The following ADAMTS17 variants were observed in gnomAD, a reference collection of about 807,000 sequenced individuals.
ADAMTS17 encodes the protein A disintegrin and metalloproteinase with thrombospondin motifs 17.
In ADAMTS17, 113 loss-of-function variants were observed where a neutral mutation model predicts 141.5. The ratio of observed to expected loss-of-function variants is 0.80; its 90% CI spans 0.69 to 0.93. The LOEUF (loss-of-function observed/expected upper bound fraction) is 0.93. ADAMTS17 is among the 40% of genes least tolerant of loss of function. The probability of loss-of-function intolerance (pLI) is 0.00; values close to 1 mark genes in which losing one functional copy is unlikely to be tolerated. For synonymous variants in ADAMTS17, 768 were observed against 630.6 expected (o/e 1.22, Z -3.27); for missense variants, 1,659 against 1,517.9 (o/e 1.09, Z -1.54).
Position 100,126,533 on chromosome 15 carries a change from G to T in ADAMTS17, c.1721+5474C>A, listed in dbSNP as rs533520839. On this transcript the variant is annotated intron_variant, in intron 12 of 21. Transcript: ENST00000268070. ...TGCTGGAGAAGGGCAGGCACAACAGGTGACAGATAGGCCTCATGTGGCCGT... is the reference window on the plus strand; with the variant it reads ...TGCTGGAGAAGGGCAGGCACAACAGTTGACAGATAGGCCTCATGTGGCCGT... 3.3e-5 allele frequency: 5 copies of T among 152,340 alleles called. No homozygotes were observed. In the East Asian group the frequency reaches 7.7e-4, roughly 24 times the overall value. 9.4% of individuals were successfully genotyped at this position (152,340 alleles called of 1,614,324 possible). A position where few individuals can be genotyped will look rare whatever the true frequency, so the allele number is the denominator to read the frequency against.
rs113325844 is a variant in ADAMTS17 at position 100,089,945 on chromosome 15, C to A, written c.2137+6411G>T. On this transcript the variant is annotated intron_variant, in intron 15 of 21. Coordinates refer to ENST00000268070, the MANE Select transcript of ADAMTS17 (RefSeq NM_139057.4). ...CTTGTATACATATGTAACAAACCTG[C>A]CTGTTGTGCACATGTACCCTAGAAC... is the stretch of plus-strand genomic sequence containing the variant. Among the ~76,000 whole-genome samples, 369 of 150,694 alleles carry A rather than the reference C, an allele frequency of 2.4e-3. 2 individuals carry two copies. Among genetic ancestry groups the A allele is most frequent in the African/African-American group, 8.6e-3 (351 of 40,922 alleles).
chr15:100,181,365 T>C (rs2040518792), intron 8 of ADAMTS17, among the ~76,000 whole-genome samples: 1 of 152,154 alleles, frequency 6.6e-6, no homozygotes, highest in African/African-American at 2.4e-5. Flanking sequence ...TCCCTCTGCT[T>C]TTCTCAAGCA....
chr15:100,089,097 A>C (rs1313736392), intron 15 of ADAMTS17, among the ~76,000 whole-genome samples: 1 of 152,098 alleles, frequency 6.6e-6, no homozygotes, highest in Admixed American at 6.6e-5. Context: ...TCATCTGACA[A>C]AAGGCTAATA....
intron 3 of ADAMTS17, among the ~76,000 whole-genome samples, chr15:100,294,692 G>A (rs1274467213): frequency 1.3e-5 from 2 of 152,190 alleles, no homozygotes; most frequent in Non-Finnish European, 2.9e-5. Flanking sequence ...GGGCGACAGA[G>A]CAAGACCCTA....
intron 8 of ADAMTS17, among the ~76,000 whole-genome samples, chr15:100,160,100 C>A (rs984805546): frequency 5.9e-5 from 9 of 152,116 alleles, no homozygotes; most frequent in South Asian, 2.1e-4. Context: ...TCAAACGTTA[C>A]AAAATTTGCA....
At chr15:100,157,092 G>A (rs1436755981) in intron 8 of ADAMTS17, among the ~76,000 whole-genome samples, 1 of 152,156 alleles carries the variant, frequency 6.6e-6, no homozygotes, top group Non-Finnish European at 1.5e-5. Context: ...CAAGGAAAAT[G>A]CCAGATGCTT....
chr15:100,120,110 A>G lies in ADAMTS17; in HGVS notation c.1722-3097T>C, dbSNP rs115402421. Among the ~76,000 whole-genome samples, 1,161 of 152,304 alleles carry G rather than the reference A, an allele frequency of 7.6e-3. 16 individuals are homozygous for G. The highest frequency in any genetic ancestry group is 0.026 in the African/African-American group (1,085 of 41,568). ...TATCAGAGCTGATCTTAAAATGACC[A>G]ACAGAGGGAATGATGTCGGGAAGAG... On this transcript the variant is annotated intron_variant, in intron 12 of 21. Coordinates refer to ENST00000268070, the MANE Select transcript of ADAMTS17 (RefSeq NM_139057.4).
At chr15:100,153,081 G>A (rs981852147) in intron 9 of ADAMTS17, among the ~76,000 whole-genome samples, 3 of 152,116 alleles carry the variant, frequency 2.0e-5, no homozygotes, top group Non-Finnish European at 4.4e-5. Flanking sequence ...AAATGATTTT[G>A]GAAGAGATTA....
At chr15:100,060,394 C>T (rs4965572) in intron 15 of ADAMTS17, among the ~76,000 whole-genome samples, 24,108 of 152,154 alleles carry the variant, frequency 0.16, 2,485 homozygotes, top group African/African-American at 0.28. Flanking sequence ...GTCTCTGGCC[C>T]TTCTTCCTCT....
At chr15:100,216,628 CT>C (rs2041976096) in intron 7 of ADAMTS17, among the ~76,000 whole-genome samples, 1 of 152,184 alleles carries the variant, frequency 6.6e-6, no homozygotes. Context: ...TAAAGACAAG[CT>C]CACGGAACCC....
At position 99,997,662 on chromosome 15, in the gene ADAMTS17, G is replaced by C. The variant is rs779560660; in HGVS notation, c.2592-73C>G. On this transcript the variant is annotated intron_variant, in intron 18 of 21. Coordinates refer to ENST00000268070, the MANE Select transcript of ADAMTS17 (RefSeq NM_139057.4). The surrounding 1 kb of genome is among the most constrained non-coding windows in gnomAD (Gnocchi z 4.7). ...GCCTCTCCGGAGGGCCTTCCGGCCG[G>C]ATCCTGGAATTGCTGCCCTGTGGTG... is the stretch of plus-strand genomic sequence containing the variant. 1.1e-4 allele frequency: 173 copies of C among 1,590,652 alleles called. 1 individual carries two copies. The highest frequency in any genetic ancestry group is 1.7e-4 in the Admixed American group (10 of 59,856).
rs185173994 is a variant in ADAMTS17 at position 100,151,754 on chromosome 15, G to A, written c.1473+858C>T. ...GACCACAGGCTCCTGGCCTTCCCCT[G>A]TGGCCAGGGCCTTCCCTGTCTGCTA... is the stretch of plus-strand genomic sequence containing the variant. On this transcript the variant is annotated intron_variant, in intron 10 of 21. Transcript: ENST00000268070. Among the ~76,000 whole-genome samples, 12 of 152,148 alleles carry A rather than the reference G, an allele frequency of 7.9e-5. No individual in the cohort carries two copies. In the East Asian group the frequency reaches 2.1e-3, roughly 27 times the overall value.
intron 8 of ADAMTS17, among the ~76,000 whole-genome samples, chr15:100,173,653 G>A (rs560214738): frequency 2.8e-4 from 42 of 152,278 alleles, no homozygotes; most frequent in African/African-American, 9.9e-4. Context: ...TTATTCACTG[G>A]ACTCTGCAAG....
intron 17 of ADAMTS17, among the ~76,000 whole-genome samples, chr15:100,049,227 A>G (rs1055106412): frequency 2.6e-5 from 4 of 152,186 alleles, no homozygotes; most frequent in Non-Finnish European, 5.9e-5. Flanking sequence ...CAAGATAAGA[A>G]AGCAGCAACA....
intron 20 of ADAMTS17, among the ~76,000 whole-genome samples, chr15:99,989,242 G>A (rs964964802): frequency 2.0e-5 from 3 of 152,144 alleles, no homozygotes; most frequent in East Asian, 1.9e-4. Context: ...GTGACATGAC[G>A]CACAGGGGTA....
At chr15:100,117,109 G>A in intron 12 of ADAMTS17, 96 bp from the exon 13 acceptor site, 1 of 1,467,220 alleles carries the variant, frequency 6.8e-7, no homozygotes, top group Admixed American at 2.0e-5. Context: ...GAGAGGAAGG[G>A]GGCAGGGCAA....
At chr15:100,035,453 T>G (rs1222372490) in intron 18 of ADAMTS17, among the ~76,000 whole-genome samples, 1 of 152,222 alleles carries the variant, frequency 6.6e-6, no homozygotes, top group Non-Finnish European at 1.5e-5. Flanking sequence ...TTGGTTACGT[T>G]CTTATTTTCA....
chr15:100,270,756 A>G (rs188193696), intron 4 of ADAMTS17, among the ~76,000 whole-genome samples: 4 of 150,572 alleles, frequency 2.7e-5, no homozygotes, highest in Admixed American at 1.3e-4. Flanking sequence ...TAAAATATGC[A>G]TAACATAAAA....
chr15:100,167,671 T>C (rs1417633486), intron 8 of ADAMTS17, among the ~76,000 whole-genome samples: 1 of 152,164 alleles, frequency 6.6e-6, no homozygotes, highest in Admixed American at 6.5e-5. Flanking sequence ...CCTGGGATCT[T>C]CTCAGTTTCT....
Sources: gnomAD v4.1 joint callset for allele counts (sites outside exome capture counted in the v4.1 genomes callset) on GRCh38, gnomAD v4.1.1 for gene constraint, Gnocchi (gnomAD v3.1) non-coding constraint, MANE v1.5 for transcripts, NCBI Gene and HGNC (gene_info 2026-07-23, HGNC 2026-07-21) for gene names.